Variants in MMP26 observed in about 807,000 individuals in gnomAD.
MMP26 encodes matrix metallopeptidase 26.
In MMP26, 33 loss-of-function variants were observed where a neutral mutation model predicts 31.0. The ratio of observed to expected loss-of-function variants is 1.06; its 90% CI spans 0.81 to 1.42. The LOEUF (loss-of-function observed/expected upper bound fraction) is 1.42, where lower values mean the gene tolerates loss of function less well. MMP26 is among the 40% of genes most tolerant of loss of function. MMP26 has a pLI of 0.00. For synonymous variants in MMP26, 122 were observed against 114.9 expected (o/e 1.06, Z -0.40); for missense variants, 347 against 316.1 (o/e 1.10, Z -0.74).
intron 1 of MMP26, chr11:4,723,561 T>A: frequency 8.5e-7 from 1 of 1,178,348 alleles, no homozygotes; most frequent in Non-Finnish European, 1.3e-6. Flanking sequence ...ACTCCAGCTC[T>A]ACCTTGTTCA....
At chr11:4,801,876 C>T (rs1020885131) in intron 2 of MMP26, among the ~76,000 whole-genome samples, 5 of 151,870 alleles carry the variant, frequency 3.3e-5, no homozygotes, top group African/African-American at 1.2e-4. Flanking sequence ...CATGATCTAA[C>T]TGAGAAAGAA....
intron 1 of MMP26, among the ~76,000 whole-genome samples, chr11:4,717,102 G>A (rs1025100055): frequency 1.3e-5 from 2 of 152,118 alleles, no homozygotes; most frequent in East Asian, 1.9e-4. Context: ...GCCTCTGCTC[G>A]ACAATTCTTT....
intron 1 of MMP26, among the ~76,000 whole-genome samples, chr11:4,763,634 CAT>C (rs1359236769): frequency 1.1e-4 from 16 of 152,094 alleles, no homozygotes; most frequent in Non-Finnish European, 2.9e-5. Context: ...TATTTATTTT[CAT>C]ATGTTATAGT....
chr11:4,768,913 G>T, intron 2 of MMP26: 1 of 1,041,636 alleles, frequency 9.6e-7, no homozygotes, highest in Non-Finnish European at 1.4e-6. Flanking sequence ...CAGTAAGAGA[G>T]CAAGTTCGCT....
chr11:4,715,554 CT>C (rs1847919020), intron 1 of MMP26, among the ~76,000 whole-genome samples: 2 of 152,056 alleles, frequency 1.3e-5, no homozygotes, highest in Non-Finnish European at 2.9e-5. Flanking sequence ...AAAGAACTTG[CT>C]ATATTTGGTA....
rs998779493 is a variant in MMP26 at position 4,980,185 on chromosome 11, T to C, written c.-144-7883T>C. On this transcript the variant is annotated intron_variant, in intron 2 of 7. Coordinates refer to ENST00000380390, the MANE Select transcript of MMP26 (RefSeq NM_021801.5). ...GCATGTTTTATGACAGTTTTTCTTT[T>C]TCCTGAGTATCAGGGTCAGTTACCC... 2.0e-5 allele frequency among the ~76,000 whole-genome samples: 3 copies of C among 152,118 alleles called. No homozygotes were observed. The South Asian group carries it at 6.2e-4, about 31-fold the overall frequency.
chr11:4,706,893 T>C (rs189322913), intron 1 of MMP26, among the ~76,000 whole-genome samples: 1 of 152,344 alleles, frequency 6.6e-6, no homozygotes, highest in East Asian at 1.9e-4. Context: ...ATCCATGTTG[T>C]AGCATGTGTC....
rs77392631 is a variant in MMP26 at position 4,841,546 on chromosome 11, T to C, written c.-145+74205T>C. On this transcript the variant is annotated intron_variant, in intron 2 of 7. Transcript: ENST00000380390. ...AGTTCTTTTACCCAAGAATAATATA[T>C]CCAGTGAAAATATCTTTAAAAGATG... Among the ~76,000 whole-genome samples, 818 of 152,178 alleles carry C rather than the reference T, an allele frequency of 5.4e-3. 10 individuals carry two copies. The highest frequency in any genetic ancestry group is 0.018 in the African/African-American group (751 of 41,530).
At chr11:4,769,713 A>G in intron 2 of MMP26, 2 of 1,613,294 alleles carry the variant, frequency 1.2e-6, no homozygotes, top group East Asian at 4.5e-5. Context: ...TCAGTGGCTG[A>G]TAGCCTGAAG....
chr11:4,725,142 T>C (rs913826379), intron 1 of MMP26, among the ~76,000 whole-genome samples: 1 of 152,218 alleles, frequency 6.6e-6, no homozygotes, highest in Non-Finnish European at 1.5e-5. Context: ...CTGCCATGAC[T>C]GTAAGTTTCC....
intron 2 of MMP26, among the ~76,000 whole-genome samples, chr11:4,933,818 G>A (rs1391802532): frequency 6.7e-6 from 1 of 148,158 alleles, no homozygotes; most frequent in East Asian, 2.0e-4. Flanking sequence ...GTGAGAATAT[G>A]CAGTGTTTGG....
At chr11:4,725,647 A>G (rs1419867682) in intron 1 of MMP26, among the ~76,000 whole-genome samples, 1 of 152,170 alleles carries the variant, frequency 6.6e-6, no homozygotes, top group Non-Finnish European at 1.5e-5. Context: ...CACTTTAGAG[A>G]AAGCTGTGTT....
chr11:4,906,419 A>T, intron 2 of MMP26, among the ~76,000 whole-genome samples: 1 of 152,250 alleles, frequency 6.6e-6, no homozygotes, highest in Non-Finnish European at 1.5e-5. Flanking sequence ...ATTTAAAATC[A>T]AATGAAAGGG....
chr11:4,958,190 C>T (rs566804920), intron 2 of MMP26, among the ~76,000 whole-genome samples: 23 of 152,290 alleles, frequency 1.5e-4, no homozygotes, highest in Admixed American at 9.2e-4. Flanking sequence ...CCTATCCCCC[C>T]TTCCTCTTCT....
intron 2 of MMP26, among the ~76,000 whole-genome samples, chr11:4,828,312 T>C (rs1002007667): frequency 1.3e-5 from 2 of 152,172 alleles, no homozygotes; most frequent in African/African-American, 4.8e-5. Context: ...TGAAAGCTTT[T>C]TATATTGATT....
chr11:4,853,312 A>C (rs1219972583), intron 2 of MMP26, among the ~76,000 whole-genome samples: 1 of 152,228 alleles, frequency 6.6e-6, no homozygotes, highest in African/African-American at 2.4e-5. Context: ...TTCACAAGGT[A>C]TACATATATC....
intron 1 of MMP26, among the ~76,000 whole-genome samples, chr11:4,763,962 T>G (rs1445767950): frequency 2.0e-5 from 3 of 152,208 alleles, no homozygotes; most frequent in African/African-American, 7.2e-5. Context: ...AATTTTATAA[T>G]GCAATAAACA....
intron 2 of MMP26, among the ~76,000 whole-genome samples, chr11:4,853,654 T>G (rs888194035): frequency 1.3e-5 from 2 of 152,168 alleles, no homozygotes; most frequent in Admixed American, 6.5e-5. Flanking sequence ...TAATTAAAAC[T>G]CTTCCTACTA....
At chr11:4,828,381 G>A (rs1194314396) in intron 2 of MMP26, among the ~76,000 whole-genome samples, 2 of 152,128 alleles carry the variant, frequency 1.3e-5, no homozygotes, top group African/African-American at 4.8e-5. Context: ...TAAAAGCAAT[G>A]CATCTATTTT....
Sources: gnomAD v4.1 joint callset for allele counts (sites outside exome capture counted in the v4.1 genomes callset) on GRCh38, gnomAD v4.1.1 for gene constraint, MANE v1.5 for transcripts, NCBI Gene and HGNC (gene_info 2026-07-23, HGNC 2026-07-21) for gene names.